STYXL2: variants seen among roughly 807,000 people sequenced by gnomAD.
STYXL2 encodes the protein serine/threonine/tyrosine interacting like 2.
A neutral mutation model predicts 52.4 loss-of-function variants in STYXL2; 44 were observed. The ratio of observed to expected loss-of-function variants is 0.84; its 90% CI spans 0.66 to 1.08. STYXL2 has a LOEUF of 1.08. Ranked by LOEUF, STYXL2 falls within the 50% of genes least tolerant of loss-of-function variation. The pLI, the probability that STYXL2 is intolerant of heterozygous loss-of-function variation, is 0.00. For missense variants in STYXL2, 1,604 were observed against 1,471.7 expected (o/e 1.09, Z -1.47); for synonymous variants, 604 against 586.9 (o/e 1.03, Z -0.42).
intron 2 of STYXL2, among the ~76,000 whole-genome samples, chr1:167,109,819 AAAC>A (rs1667579854): frequency 6.6e-6 from 1 of 152,218 alleles, no homozygotes; most frequent in African/African-American, 2.4e-5. Context: ...AGAAAGGAGA[AAAC>A]AACAGCTAAT....
At position 167,127,858 on chromosome 1, in the gene STYXL2, A is replaced by G; in HGVS notation, c.2727A>G (p.Thr909=). ...GCAGTAATTCCCAGAAACCTGAAAC[A>G]GACACATGCTCCTCCCTGGCTGTCT... is the stretch of plus-strand genomic sequence containing the variant. ...SSRSNSQKPE[T]DTCSSLAVCD... Residue 909 remains threonine, a synonymous_variant, in exon 6 of 6, where the codon ACA becomes ACG. Coordinates refer to ENST00000361200, the MANE Select transcript of STYXL2 (RefSeq NM_001080426.3). The G allele has an allele frequency of 6.2e-6, 10 of 1,613,986 alleles. No individual in the cohort carries two copies. Among genetic ancestry groups the G allele is most frequent in the Non-Finnish European group, 8.5e-6 (10 of 1,180,034 alleles).
In STYXL2 at chr1:167,107,215, AAG is replaced by A. The variant is rs532777942; in HGVS notation, c.111-6492_111-6491del. On this transcript the variant is annotated intron_variant, in intron 2 of 5. Coordinates refer to ENST00000361200, the MANE Select transcript of STYXL2 (RefSeq NM_001080426.3). ...ATGGCAGCTCAGGAGTTCCCAGAAA[AAG>A]AGTGTCAAGACCCAAAGAAGGAAAG... Among the ~76,000 whole-genome samples, 599 of 152,214 alleles carry A rather than the reference AAG, an allele frequency of 3.9e-3. 3 individuals are homozygous for A. Among genetic ancestry groups the A allele is most frequent in the African/African-American group, 0.012 (514 of 41,512 alleles).
intron 2 of STYXL2, among the ~76,000 whole-genome samples, chr1:167,109,904 A>C (rs1024214141): frequency 7.9e-5 from 12 of 152,226 alleles, no homozygotes; most frequent in Non-Finnish European, 1.3e-4. Context: ...CTGCTACCAT[A>C]ACCAGCATTT....
chr1:167,126,413 G>C lies in STYXL2; in HGVS notation c.1282G>C (p.Gly428Arg). The change falls in exon 6 of 6, where the codon GGG becomes CGG. Residue 428 changes from glycine (G) to arginine (R), a missense_variant. Coordinates refer to ENST00000361200, the MANE Select transcript of STYXL2 (RefSeq NM_001080426.3). ...GGAGAGCGACGCTGGCTCCTCGGTG[G>C]GGAGGCGGCGGCGCACCCTGAGCGA... ...EEESDAGSSV[G>R]RRRRTLSESS... The C allele has an allele frequency of 6.4e-7, 1 of 1,559,554 alleles. No individual in the cohort carries two copies. Among genetic ancestry groups the C allele is most frequent in the East Asian group, 2.4e-5 (1 of 41,806 alleles).
At position 167,126,244 on chromosome 1, in the gene STYXL2, C is replaced by T. The variant is rs146957255; in HGVS notation, c.1113C>T (p.Gly371=). Residue 371 remains glycine, a synonymous_variant, in exon 6 of 6, where the codon GGC becomes GGT. Transcript: ENST00000361200. ...LSDKVPQDGG[G]WRSASSGQGG... ...ACAAGGTCCCCCAGGATGGAGGTGGCTGGCGCTCAGCCTCCTCTGGCCAGG... is the reference window on the plus strand; with the variant it reads ...ACAAGGTCCCCCAGGATGGAGGTGGTTGGCGCTCAGCCTCCTCTGGCCAGG... The T allele has an allele frequency of 1.4e-4, 220 of 1,544,666 alleles. No individual in the cohort carries two copies. The highest frequency in any genetic ancestry group is 1.8e-4 in the Non-Finnish European group (206 of 1,149,338).
intron 2 of STYXL2, among the ~76,000 whole-genome samples, chr1:167,110,420 G>A (rs1429518075): frequency 6.6e-6 from 1 of 152,124 alleles, no homozygotes; most frequent in Non-Finnish European, 1.5e-5. Flanking sequence ...CAATTATTAA[G>A]CAACTCAAGG....
chr1:167,120,829 CATATATATATAT>C (rs71587032), intron 5 of STYXL2, among the ~76,000 whole-genome samples: 2,090 of 114,458 alleles, frequency 0.018, 61 homozygotes, highest in Middle Eastern at 0.053. Flanking sequence ...GTGTAAATTA[CATATATATATAT>C]ATATATATAT....
At chr1:167,115,843 G>C (rs1363090473) in intron 3 of STYXL2, among the ~76,000 whole-genome samples, 2 of 152,148 alleles carry the variant, frequency 1.3e-5, no homozygotes, top group African/African-American at 4.8e-5. Flanking sequence ...CAGGGATGTG[G>C]GGGTCCCTCA....
Position 167,127,191 on chromosome 1 carries a change from A to C in STYXL2, c.2060A>C (p.His687Pro). ...SVLSTQSHRSHLSQAASNIAG... is the reference protein window; with the variant it reads ...SVLSTQSHRSPLSQAASNIAG... ...CTGAGCACCCAGAGCCACCGCTCCC[A>C]CCTGTCTCAGGCTGCAAGCAACATA... Residue 687 changes from histidine (H) to proline (P), a missense_variant, in exon 6 of 6, where the codon CAC becomes CCC. His to Pro is a moderately conservative substitution (Grantham distance 77). Coordinates refer to ENST00000361200, the MANE Select transcript of STYXL2 (RefSeq NM_001080426.3). 6.2e-7 allele frequency: 1 copy of C among 1,614,042 alleles called. No homozygotes were observed. Among genetic ancestry groups the C allele is most frequent in the Non-Finnish European group, 8.5e-7 (1 of 1,179,960 alleles).
intron 1 of STYXL2, chr1:167,094,415 CAG>C (rs1667235579): frequency 5.7e-6 from 1 of 175,938 alleles, no homozygotes; most frequent in Non-Finnish European, 1.2e-5. Flanking sequence ...TCTTCCCCAG[CAG>C]AGACAAAGGT....
intron 2 of STYXL2, among the ~76,000 whole-genome samples, chr1:167,101,672 T>C (rs936009395): frequency 2.0e-5 from 3 of 152,020 alleles, no homozygotes; most frequent in African/African-American, 7.3e-5. Flanking sequence ...GGTGTGGTGG[T>C]GGGCACCTGT....
chr1:167,127,960 G>A lies in STYXL2; in HGVS notation c.2829G>A (p.Arg943=), dbSNP rs1668012163. The A allele has an allele frequency of 1.9e-6, 3 of 1,614,180 alleles. No homozygotes were observed. The highest frequency in any genetic ancestry group is 2.2e-5 in the East Asian group (1 of 44,886). The change falls in exon 6 of 6, where the codon AGG becomes AGA. Residue 943 remains arginine, a synonymous_variant. Coordinates refer to ENST00000361200, the MANE Select transcript of STYXL2 (RefSeq NM_001080426.3). ...SSINKWLSGL[R]TEEKPPFQSD... ...TTAATAAGTGGCTCAGTGGCCTCAGGACGGAGGAAAAACCTCCTTTCCAAA... is the reference window on the plus strand; with the variant it reads ...TTAATAAGTGGCTCAGTGGCCTCAGAACGGAGGAAAAACCTCCTTTCCAAA...
At chr1:167,116,080 G>A (rs1667715937) in intron 3 of STYXL2, among the ~76,000 whole-genome samples, 1 of 152,144 alleles carries the variant, frequency 6.6e-6, no homozygotes, top group African/African-American at 2.4e-5. Context: ...GCCATCAAGA[G>A]GCTATGGGGA....
intron 5 of STYXL2, among the ~76,000 whole-genome samples, chr1:167,121,105 T>C (rs567566681): frequency 3.3e-5 from 5 of 151,412 alleles, no homozygotes; most frequent in Non-Finnish European, 7.4e-5. Context: ...CTCTGTCTCC[T>C]GGGTTCAAGC....
Position 167,126,294 on chromosome 1 carries a change from A to G in STYXL2, c.1163A>G (p.Asp388Gly). 1 of 1,529,380 alleles carries G rather than the reference A, an allele frequency of 6.5e-7. No homozygotes were observed. The highest frequency in any genetic ancestry group is 8.8e-7 in the Non-Finnish European group (1 of 1,137,516). The allele number at this position is 1,529,380 out of a possible 1,614,324, so 94.7% of individuals were successfully genotyped here. A position where few individuals can be genotyped will look rare whatever the true frequency, so the allele number is the denominator to read the frequency against. The part of the protein sequence containing the change: ...GQGGEELEDE[D>G]VERIIQEWQS... ...GGTGGGGAGGAGCTCGAGGACGAGG[A>G]CGTGGAGAGGATCATCCAGGAGTGG... Residue 388 changes from aspartate (D) to glycine (G), a missense_variant, in exon 6 of 6, where the codon GAC becomes GGC. Coordinates refer to ENST00000361200, the MANE Select transcript of STYXL2 (RefSeq NM_001080426.3).
rs1442860585 is a variant in STYXL2, at chr1:167,125,825, T to G, written c.694T>G (p.Ser232Ala). The G allele has an allele frequency of 6.2e-7, 1 of 1,610,998 alleles. No homozygotes were observed. The highest frequency in any genetic ancestry group is 8.5e-7 in the Non-Finnish European group (1 of 1,178,820). The change falls in exon 6 of 6, where the codon TCA (serine) becomes GCA (alanine). Residue 232 changes from serine to alanine, a missense_variant. Physicochemically the swap from Ser to Ala is moderately conservative, Grantham distance 99. Transcript: ENST00000361200. ...LVSSEMGISR[S>A]AVLVVAYLMI... Reference sequence around the variant, plus strand: ...CAGCAGCGAAATGGGCATCAGCCGGTCAGCAGTGCTGGTGGTCGCCTACCT... The same window carrying G: ...CAGCAGCGAAATGGGCATCAGCCGGGCAGCAGTGCTGGTGGTCGCCTACCT...
intron 2 of STYXL2, among the ~76,000 whole-genome samples, chr1:167,096,818 T>C (rs909236661): frequency 7.9e-5 from 12 of 152,150 alleles, no homozygotes; most frequent in Non-Finnish European, 1.3e-4. Context: ...ATCTTTTTTT[T>C]CCCCACCTAT....
chr1:167,115,096 G>T (rs1326930973), intron 3 of STYXL2, among the ~76,000 whole-genome samples: 1 of 152,202 alleles, frequency 6.6e-6, no homozygotes, highest in African/African-American at 2.4e-5. Flanking sequence ...TCACTTTCAA[G>T]TCTATAGAAT....
chr1:167,114,300 G>A (rs1045694367), intron 3 of STYXL2, among the ~76,000 whole-genome samples: 1 of 152,160 alleles, frequency 6.6e-6, no homozygotes, highest in African/African-American at 2.4e-5. Flanking sequence ...TTTTGAAGCA[G>A]ACAACATATA....
Sources: gnomAD v4.1 joint callset for allele counts (sites outside exome capture counted in the v4.1 genomes callset) on GRCh38, gnomAD v4.1.1 for gene constraint, MANE v1.5 for transcripts, NCBI Gene and HGNC (gene_info 2026-07-23, HGNC 2026-07-21) for gene names.